Variants in CFAP70 observed in about 807,000 individuals in gnomAD.
The protein encoded by CFAP70 is cilia- and flagella-associated protein 70.
A neutral mutation model predicts 137.6 loss-of-function variants in CFAP70; 81 were observed. The observed-to-expected ratio is 0.59, with a 90% CI of 0.49 to 0.71. The LOEUF (loss-of-function observed/expected upper bound fraction) is 0.71, where lower values mean the gene tolerates loss of function less well. Ranked by LOEUF, CFAP70 falls within the 30% of genes least tolerant of loss-of-function variation. The probability of loss-of-function intolerance (pLI) is 0.00; values close to 1 mark genes in which losing one functional copy is unlikely to be tolerated. For missense variants in CFAP70, 976 were observed against 1,226.7 expected (o/e 0.80, Z 3.05); for synonymous variants, 382 against 423.6 (o/e 0.90, Z 1.20).
chr10:73,267,468 TCA>T (rs2045880899), intron 25 of CFAP70, among the ~76,000 whole-genome samples: 1 of 152,182 alleles, frequency 6.6e-6, no homozygotes, highest in African/African-American at 2.4e-5. Flanking sequence ...ATTCTACTGG[TCA>T]GGGAAAGTCA....
At chr10:73,361,142 G>A (rs766883289), upstream of CFAP70, among the ~76,000 whole-genome samples, 13 of 151,884 alleles carry the variant, frequency 8.6e-5, no homozygotes, top group Non-Finnish European at 1.5e-4. Context: ...GTGATTACAG[G>A]CACCCATCAC....
intron 12 of CFAP70, among the ~76,000 whole-genome samples, chr10:73,304,054 G>A (rs1476763870): frequency 6.6e-6 from 1 of 151,704 alleles, no homozygotes; most frequent in Non-Finnish European, 1.5e-5. Flanking sequence ...TGTCATTTAT[G>A]GTAAATTTTT....
chr10:73,353,430 ACTGTC>A (rs2054432548), intron 3 of CFAP70, 121 bp downstream of exon 3: 10 of 877,496 alleles, frequency 1.1e-5, no homozygotes, highest in African/African-American at 1.7e-5. Context: ...GAACAAAGGA[ACTGTC>A]CTTTCTTTCT....
chr10:73,321,938 C>G (rs1021008498), intron 9 of CFAP70, among the ~76,000 whole-genome samples: 2 of 152,142 alleles, frequency 1.3e-5, no homozygotes, highest in African/African-American at 4.8e-5. Flanking sequence ...TGCCTGCCAC[C>G]ACACTCGGCA....
At chr10:73,270,689 C>T (rs2046234032) in intron 24 of CFAP70, among the ~76,000 whole-genome samples, 1 of 150,956 alleles carries the variant, frequency 6.6e-6, no homozygotes, top group Non-Finnish European at 1.5e-5. Flanking sequence ...GTGCCCACCA[C>T]CACACCCAGC....
intron 11 of CFAP70, among the ~76,000 whole-genome samples, chr10:73,311,207 T>C (rs1273523937): frequency 1.3e-5 from 2 of 152,236 alleles, no homozygotes; most frequent in African/African-American, 2.4e-5. Flanking sequence ...AATTTCTCTA[T>C]ATACCATACA....
chr10:73,298,977 T>C, exon 14 of CFAP70: 2 of 1,614,060 alleles, frequency 1.2e-6, no homozygotes, highest in Non-Finnish European at 1.7e-6. Flanking sequence ...GCACTTCTGC[T>C]CCTCCAAGGT....
At chr10:73,291,145 G>T in intron 19 of CFAP70, 81 bp downstream of exon 20, 2 of 1,257,834 alleles carry the variant, frequency 1.6e-6, no homozygotes, top group Non-Finnish European at 2.3e-6. Flanking sequence ...CTCCCAGGTT[G>T]CTAGGACTAC....
exon 15 of CFAP70, chr10:73,297,043 T>C (rs753445017): frequency 6.2e-7 from 1 of 1,612,462 alleles, no homozygotes; most frequent in East Asian, 2.2e-5. Context: ...GACACTTACC[T>C]GGTTTAGGGC....
intron 9 of CFAP70, among the ~76,000 whole-genome samples, chr10:73,317,909 A>C (rs947498130): frequency 2.0e-5 from 3 of 152,140 alleles, no homozygotes; most frequent in African/African-American, 2.4e-5. Flanking sequence ...GCTATCCTTG[A>C]AGTAATGAGT....
At chr10:73,256,500 G>A in intron 25 of CFAP70, 84 bp from the exon 27 acceptor site, 3 of 1,428,548 alleles carry the variant, frequency 2.1e-6, no homozygotes, top group Non-Finnish European at 3.0e-6. Context: ...TAAGGCAGAG[G>A]CACCTACACC....
At chr10:73,340,606 G>T (rs1379525949) in intron 6 of CFAP70, among the ~76,000 whole-genome samples, 2 of 152,176 alleles carry the variant, frequency 1.3e-5, no homozygotes, top group East Asian at 3.9e-4. Flanking sequence ...GCTGAGGGGT[G>T]CCTGCAAGCC....
chr10:73,358,328 T>C (rs371768294), intron 1 of CFAP70, among the ~76,000 whole-genome samples: 369 of 152,330 alleles, frequency 2.4e-3, no homozygotes, highest in African/African-American at 8.4e-3. Flanking sequence ...GGGACTCTTG[T>C]TGCCCCCGGC....
Position 73,262,622 on chromosome 10 carries a change from G to C in CFAP70, c.3028-6206C>G, listed in dbSNP as rs530291532. The stretch of plus-strand genomic sequence containing the variant: ...AAATGTGAAGAAGGAAAAAGAAATT[G>C]TGCATATTTAGTAGCACCTGTGGGC... On this transcript the variant is annotated intron_variant, in intron 25 of 26. Transcript: ENST00000310715. Among the ~76,000 whole-genome samples the C allele has an allele frequency of 2.0e-5, 3 of 152,168 alleles. No homozygotes were observed. In the East Asian group the frequency reaches 5.8e-4, roughly 29 times the overall value.
chr10:73,351,065 G>GTA (rs1564889661), intron 3 of CFAP70, among the ~76,000 whole-genome samples: 13 of 55,656 alleles, frequency 2.3e-4, no homozygotes, highest in Non-Finnish European at 3.6e-4. Context: ...GTGTGTGTGT[G>GTA]TGTGTGTATA....
chr10:73,285,593 C>G (rs1006989074), intron 19 of CFAP70, among the ~76,000 whole-genome samples: 1 of 151,400 alleles, frequency 6.6e-6, no homozygotes, highest in Non-Finnish European at 1.5e-5. Context: ...CTAGGAAATG[C>G]AGAAACCCAG....
At chr10:73,301,751 CTTTAT>C (rs1234448284) in intron 12 of CFAP70, among the ~76,000 whole-genome samples, 5 of 152,246 alleles carry the variant, frequency 3.3e-5, no homozygotes, top group South Asian at 2.1e-4. Flanking sequence ...GAATTGTACA[CTTTAT>C]TTTATTTTTA....
Position 73,269,732 on chromosome 10 carries a change from G to A in CFAP70, c.2926-17C>T, listed in dbSNP as rs774945672. 1 of 1,552,954 alleles carries A rather than the reference G, an allele frequency of 6.4e-7. No homozygotes were observed. The highest frequency in any genetic ancestry group is 8.9e-7 in the Non-Finnish European group (1 of 1,125,290). Reference sequence around the variant, plus strand: ...CTCCTCCAGCTTGACAGAAAAATGAGACATGTGAGTTAGCTTAGCTGAAAC... The same window carrying A: ...CTCCTCCAGCTTGACAGAAAAATGAAACATGTGAGTTAGCTTAGCTGAAAC... On this transcript the variant is annotated splice_polypyrimidine_tract_variant and intron_variant, in intron 24 of 26. Transcript: ENST00000310715.
intron 25 of CFAP70, among the ~76,000 whole-genome samples, chr10:73,258,989 G>A (rs539562965): frequency 2.6e-5 from 4 of 152,158 alleles, no homozygotes; most frequent in East Asian, 1.9e-4. Flanking sequence ...CTGTGATCTC[G>A]CTCTGCCCCC....
Sources: allele counts gnomAD v4.1 joint callset (sites outside exome capture counted in the v4.1 genomes callset), GRCh38; gene constraint gnomAD v4.1.1; transcripts MANE v1.5; gene names NCBI Gene and HGNC (gene_info 2026-07-23, HGNC 2026-07-21).